The following AHCY variants were observed in gnomAD, a reference collection of about 807,000 sequenced individuals.
AHCY encodes the protein S-adenosyl-L-homocysteine hydrolase.
In AHCY, 24 loss-of-function variants were observed where a neutral mutation model predicts 45.4. The ratio of observed to expected loss-of-function variants is 0.53; its 90% CI spans 0.38 to 0.74. AHCY has a LOEUF of 0.74. AHCY is among the 30% of genes least tolerant of loss of function. The pLI is 0.00. For missense variants in AHCY, 449 were observed against 594.1 expected (o/e 0.76, Z 2.54); for synonymous variants, 245 against 235.1 (o/e 1.04, Z -0.39).
chr20:34,279,516 G>A (rs2035945772), downstream of AHCY, among the ~76,000 whole-genome samples: 1 of 152,032 alleles, frequency 6.6e-6, no homozygotes, highest in Non-Finnish European at 1.5e-5. Context: ...CTTGTGTTGT[G>A]GTCAGTTGGG....
the AHCY span, among the ~76,000 whole-genome samples, chr20:34,233,011 G>A: frequency 0.011 from 1,617 of 152,196 alleles, 13 homozygotes; most frequent in African/African-American, 0.027. Context: ...TACTGGGATC[G>A]TTGTTCTCCT....
At chr20:34,298,418 G>T (rs2036643864) in intron 1 of AHCY, among the ~76,000 whole-genome samples, 1 of 152,046 alleles carries the variant, frequency 6.6e-6, no homozygotes, top group East Asian at 1.9e-4. Flanking sequence ...ACATAGTGAG[G>T]TGTGACCAGA....
the AHCY span, among the ~76,000 whole-genome samples, chr20:34,233,436 C>T: frequency 6.6e-6 from 1 of 152,024 alleles, no homozygotes; most frequent in African/African-American, 2.4e-5. Context: ...TGTGAGCCAC[C>T]GCGCCCGGCC....
At chr20:34,237,708 C>G in the AHCY span, among the ~76,000 whole-genome samples, 1 of 152,156 alleles carries the variant, frequency 6.6e-6, no homozygotes, top group East Asian at 1.9e-4. Context: ...GTGGTGAAAG[C>G]AGGCATCTTT....
At chr20:34,233,302 C>T in the AHCY span, among the ~76,000 whole-genome samples, 1 of 152,018 alleles carries the variant, frequency 6.6e-6, no homozygotes, top group Non-Finnish European at 1.5e-5. Context: ...CACCCACCAC[C>T]ATGCCCGGCT....
chr20:34,252,086 G>T, the AHCY span, among the ~76,000 whole-genome samples: 10 of 152,326 alleles, frequency 6.6e-5, no homozygotes, highest in African/African-American at 2.4e-4. Context: ...AGACTCTATA[G>T]TGAGTCATAT....
chr20:34,264,146 A>G, the AHCY span, among the ~76,000 whole-genome samples: 1 of 152,240 alleles, frequency 6.6e-6, no homozygotes, highest in Non-Finnish European at 1.5e-5. Context: ...AATCTATTAT[A>G]AAAAATTAAA....
At chr20:34,293,683 TCTCGTTAGA>T (rs1200158547) in intron 3 of AHCY, 12 of 347,938 alleles carry the variant, frequency 3.4e-5, no homozygotes, top group Non-Finnish European at 5.6e-6. Context: ...AAAACTCCAT[TCTCGTTAGA>T]CTTGGTCCTT....
chr20:34,270,248 G>C, the AHCY span, among the ~76,000 whole-genome samples: 1 of 149,644 alleles, frequency 6.7e-6, no homozygotes, highest in East Asian at 2.0e-4. Context: ...TGAAACTCTG[G>C]TTAAAAAAAA....
intron 3 of AHCY, chr20:34,293,472 A>C (rs1331735885): frequency 6.1e-6 from 1 of 164,270 alleles, no homozygotes; most frequent in Admixed American, 5.7e-5. Flanking sequence ...AAAAGAAAAA[A>C]AAAAAAGAAG....
the AHCY span, among the ~76,000 whole-genome samples, chr20:34,264,962 A>G: frequency 1.3e-5 from 2 of 151,576 alleles, no homozygotes; most frequent in Admixed American, 1.3e-4. Context: ...TGCCTGGCAG[A>G]TTTTTGTATT....
upstream of AHCY, among the ~76,000 whole-genome samples, chr20:34,307,610 G>T (rs2036909338): frequency 6.6e-6 from 1 of 152,178 alleles, no homozygotes; most frequent in Non-Finnish European, 1.5e-5. Context: ...GACCTCGGGT[G>T]ATCCGCCCGC....
rs567858986 is a variant in AHCY at position 34,290,394 on chromosome 20, C to A, written c.910G>T (p.Val304Leu). ...TTGAGCCACTTGACATCGATCTCCA[C>A]GTCAAAGTGTCCAATGTTACACACA... ...AIVCNIGHFD[V>L]EIDVKWLNEN... The change falls in exon 8 of 10, where the codon GTG becomes TTG. Residue 304 changes from valine (V) to leucine (L), a missense_variant. Coordinates refer to ENST00000217426, the MANE Select transcript of AHCY (RefSeq NM_000687.4). This position sits in a 1 kb window ranked among gnomAD's most constrained non-coding sequence, Gnocchi z 4.5. 8 of 1,614,208 alleles carry A rather than the reference C, an allele frequency of 5.0e-6. No individual in the cohort carries two copies. Among genetic ancestry groups the A allele is most frequent in the East Asian group, 4.5e-5 (2 of 44,882 alleles).
At chr20:34,268,854 C>T in the AHCY span, 3 of 1,040,640 alleles carry the variant, frequency 2.9e-6, no homozygotes, top group Non-Finnish European at 2.8e-6. Flanking sequence ...ACTGGGGGAG[C>T]GGGCGGTGGG....
chr20:34,246,209 G>T, the AHCY span: 1 of 1,439,236 alleles, frequency 6.9e-7, no homozygotes, highest in Non-Finnish European at 9.5e-7. Context: ...AAGCTTTTGT[G>T]GTATGGTCTT....
chr20:34,236,311 G>A, the AHCY span, among the ~76,000 whole-genome samples: 39,706 of 152,048 alleles, frequency 0.26, 9,442 homozygotes, highest in African/African-American at 0.64. Flanking sequence ...AGGCCGAAGC[G>A]GGCAGATCAC....
intron 9 of AHCY, among the ~76,000 whole-genome samples, chr20:34,282,288 G>C (rs1395175616): frequency 6.6e-6 from 1 of 152,170 alleles, no homozygotes; most frequent in Non-Finnish European, 1.5e-5. Flanking sequence ...AGAGGCCCAT[G>C]CATGAGGAAT....
chr20:34,294,057 GT>G, intron 3 of AHCY, 23 bp downstream of exon 3: 1 of 1,611,792 alleles, frequency 6.2e-7, no homozygotes, highest in East Asian at 2.2e-5. Flanking sequence ...CAAATTCCAC[GT>G]CTCAGAAGCA....
At chr20:34,264,476 A>T in the AHCY span, among the ~76,000 whole-genome samples, 36,990 of 152,106 alleles carry the variant, frequency 0.24, 7,339 homozygotes, top group African/African-American at 0.55. Context: ...GTAAACCTTG[A>T]GTAGTACCAA....
Sources: allele counts gnomAD v4.1 joint callset (sites outside exome capture counted in the v4.1 genomes callset), GRCh38; gene constraint gnomAD v4.1.1; non-coding constraint Gnocchi (gnomAD v3.1); transcripts MANE v1.5; gene names NCBI Gene and HGNC (gene_info 2026-07-23, HGNC 2026-07-21).